Variants in DCAF6 observed in about 807,000 individuals in gnomAD.
DCAF6 encodes DDB1- and CUL4-associated factor 6.
In DCAF6, 54 loss-of-function variants were observed where a neutral mutation model predicts 125.1. The ratio of observed to expected loss-of-function variants is 0.43; its 90% CI spans 0.35 to 0.54. The LOEUF (loss-of-function observed/expected upper bound fraction) is 0.54, where lower values mean the gene tolerates loss of function less well. Among genes scored for constraint, DCAF6 ranks in the 20% least tolerant of loss-of-function variants. The pLI is 0.01. For missense variants in DCAF6, 934 were observed against 1,161.7 expected (o/e 0.80, Z 2.85); for synonymous variants, 371 against 390.4 (o/e 0.95, Z 0.58).
At chr1:168,038,536 G>T in intron 13 of DCAF6, 48 bp downstream of exon 13, 1 of 1,336,260 alleles carries the variant, frequency 7.5e-7, no homozygotes, top group Non-Finnish European at 1.0e-6. Flanking sequence ...TTGTAGGATT[G>T]TATTAGATTT....
At chr1:168,026,456 C>T (rs1686352647) in intron 12 of DCAF6, among the ~76,000 whole-genome samples, 1 of 152,024 alleles carries the variant, frequency 6.6e-6, no homozygotes, top group Non-Finnish European at 1.5e-5. Context: ...ACCAAGAACA[C>T]GTAAGAGGCC....
chr1:168,064,274 A>G (rs1468192543), intron 18 of DCAF6, among the ~76,000 whole-genome samples: 1 of 152,006 alleles, frequency 6.6e-6, no homozygotes, highest in African/African-American at 2.4e-5. Flanking sequence ...GATCTCTAAG[A>G]TCTTTTGTAG....
chr1:167,920,724 C>T, the DCAF6 span: 39 of 1,218,852 alleles, frequency 3.2e-5, no homozygotes, highest in South Asian at 2.4e-4. Context: ...TTGAGATTTC[C>T]GTAAGTTAGC....
chr1:167,947,602 C>T (rs1673271400), intron 1 of DCAF6, among the ~76,000 whole-genome samples: 1 of 151,854 alleles, frequency 6.6e-6, no homozygotes. Context: ...TTTTAAATTT[C>T]TGTCTTAATT....
intron 21 of DCAF6, among the ~76,000 whole-genome samples, chr1:168,074,787 A>C (rs1358974423): frequency 6.6e-6 from 1 of 152,188 alleles, no homozygotes; most frequent in Non-Finnish European, 1.5e-5. Flanking sequence ...TATCCCAAGC[A>C]GAGGAATAGC....
At chr1:167,976,020 T>G (rs1157373211) in intron 4 of DCAF6, among the ~76,000 whole-genome samples, 1 of 152,222 alleles carries the variant, frequency 6.6e-6, no homozygotes, top group Admixed American at 6.5e-5. Flanking sequence ...GATTTTGTTT[T>G]CTTATCCAGT....
chr1:167,960,079 T>G (rs1351471659), intron 2 of DCAF6, among the ~76,000 whole-genome samples: 1 of 151,976 alleles, frequency 6.6e-6, no homozygotes, highest in Non-Finnish European at 1.5e-5. Context: ...ATTTTTATTT[T>G]TTTTGCATGT....
At chr1:167,902,183 G>T in the DCAF6 span, 9 of 944,776 alleles carry the variant, frequency 9.5e-6, no homozygotes, top group African/African-American at 1.3e-4. Flanking sequence ...TTATACTAAA[G>T]ATCTCATCCC....
At chr1:168,020,579 C>A (rs933647494) in intron 11 of DCAF6, among the ~76,000 whole-genome samples, 1 of 152,206 alleles carries the variant, frequency 6.6e-6, no homozygotes, top group African/African-American at 2.4e-5. Flanking sequence ...AACCATATTA[C>A]ATGTTACAAT....
chr1:167,981,707 G>A (rs1381309242), intron 4 of DCAF6, among the ~76,000 whole-genome samples: 1 of 152,196 alleles, frequency 6.6e-6, no homozygotes, highest in African/African-American at 2.4e-5. Context: ...CAAAGGACAT[G>A]ATTTCATTCA....
intron 3 of DCAF6, among the ~76,000 whole-genome samples, chr1:167,972,256 T>C (rs1204328128): frequency 6.6e-6 from 1 of 152,268 alleles, no homozygotes; most frequent in Non-Finnish European, 1.5e-5. Context: ...ATTGGCTGTA[T>C]AGATTTGGTT....
At chr1:168,057,598 G>A (rs201534) in intron 17 of DCAF6, among the ~76,000 whole-genome samples, 150,145 of 152,322 alleles carry the variant, frequency 0.99, 74,003 homozygotes, top group East Asian at 1. Context: ...CAATAAACCT[G>A]TTATGTGCTA....
chr1:167,937,897 A>G (rs933661632), intron 1 of DCAF6, among the ~76,000 whole-genome samples: 1 of 152,208 alleles, frequency 6.6e-6, no homozygotes, highest in African/African-American at 2.4e-5. Context: ...AAACAACATC[A>G]TAAAATTTTT....
intron 2 of DCAF6, among the ~76,000 whole-genome samples, chr1:167,958,710 C>T (rs192935374): frequency 1.8e-4 from 28 of 152,088 alleles, no homozygotes; most frequent in African/African-American, 4.8e-4. Flanking sequence ...CAATATTTAA[C>T]GCTTTATTTT....
At chr1:167,947,133 T>A (rs1442137802) in intron 1 of DCAF6, among the ~76,000 whole-genome samples, 2 of 152,192 alleles carry the variant, frequency 1.3e-5, no homozygotes, top group African/African-American at 4.8e-5. Flanking sequence ...ATGTATCTAT[T>A]TCCTGTAGGT....
intron 17 of DCAF6, among the ~76,000 whole-genome samples, chr1:168,061,224 T>TA (rs1347967960): frequency 6.6e-6 from 1 of 152,192 alleles, no homozygotes; most frequent in Non-Finnish European, 1.5e-5. Context: ...GTATCTAACT[T>TA]AAAAATGTAT....
the DCAF6 span, among the ~76,000 whole-genome samples, chr1:167,880,829 TATAGTGAATAGGGCTGAGCTATCTGTGTG>T: frequency 6.6e-6 from 1 of 152,212 alleles, no homozygotes; most frequent in Non-Finnish European, 1.5e-5. Flanking sequence ...TTGCTCCAGA[TATAGTGAATAGGGCTGAGCTATCTGTGTG>T]CATGCTTCGG....
At chr1:167,867,205 C>T in the DCAF6 span, among the ~76,000 whole-genome samples, 1 of 152,170 alleles carries the variant, frequency 6.6e-6, no homozygotes, top group African/African-American at 2.4e-5. Flanking sequence ...CAAAACCATC[C>T]TTAAACATCA....
chr1:167,946,971 G>C (rs1246219028), intron 1 of DCAF6, among the ~76,000 whole-genome samples: 1 of 152,122 alleles, frequency 6.6e-6, no homozygotes, highest in African/African-American at 2.4e-5. Flanking sequence ...TTGTACATTT[G>C]GTAGAATTCG....
Sources: allele counts gnomAD v4.1 joint callset (sites outside exome capture counted in the v4.1 genomes callset), GRCh38; gene constraint gnomAD v4.1.1; transcripts MANE v1.5; gene names NCBI Gene and HGNC (gene_info 2026-07-23, HGNC 2026-07-21).